Variants in FAF1 observed in about 807,000 individuals in gnomAD.
FAF1 encodes the protein FAS-associated factor 1.
FAF1 carries 25 observed loss-of-function variants against 92.5 expected under a neutral mutation model. The ratio of observed to expected loss-of-function variants is 0.27; its 90% CI spans 0.20 to 0.38. The LOEUF is 0.38. Ranked by LOEUF, FAF1 falls within the 10% of genes least tolerant of loss-of-function variation. The probability of loss-of-function intolerance (pLI) is 1.00; values close to 1 mark genes in which losing one functional copy is unlikely to be tolerated. For synonymous variants in FAF1, 234 were observed against 273.2 expected (o/e 0.86, Z 1.42); for missense variants, 636 against 793.3 (o/e 0.80, Z 2.38).
intron 13 of FAF1, among the ~76,000 whole-genome samples, chr1:50,547,790 T>TAA (rs1259583779): frequency 6.6e-6 from 1 of 152,236 alleles, no homozygotes; most frequent in East Asian, 1.9e-4. Flanking sequence ...TTGAGGCACT[T>TAA]AAAGTTTAAT....
At chr1:50,749,958 T>C (rs1659788422) in intron 4 of FAF1, among the ~76,000 whole-genome samples, 1 of 152,208 alleles carries the variant, frequency 6.6e-6, no homozygotes, top group Admixed American at 6.5e-5. Flanking sequence ...AAATGTTATT[T>C]TGAGTTGTAT....
chr1:50,572,446 G>A (rs544301473), intron 12 of FAF1, among the ~76,000 whole-genome samples: 34 of 152,218 alleles, frequency 2.2e-4, no homozygotes, highest in African/African-American at 7.9e-4. Context: ...CATGTCCTTT[G>A]TAGCTGTTTT....
At chr1:50,702,042 G>A (rs1208297449) in intron 7 of FAF1, among the ~76,000 whole-genome samples, 3 of 152,080 alleles carry the variant, frequency 2.0e-5, no homozygotes, top group African/African-American at 7.2e-5. Flanking sequence ...TCTGGGTCAT[G>A]TGTATATTCC....
rs1657105882 is a variant in FAF1 at position 50,694,669 on chromosome 1, G to T, written c.657+11117C>A. 2.0e-5 allele frequency among the ~76,000 whole-genome samples: 3 copies of T among 151,776 alleles called. No individual in the cohort carries two copies. In the South Asian group the frequency reaches 6.2e-4, roughly 32 times the overall value. ...ACAAAAAGTTATGGCATGTAGGCCA[G>T]GCTTGGTGGCTCACGCCTGCAATCT... On this transcript the variant is annotated intron_variant, in intron 7 of 18. Coordinates refer to ENST00000396153, the MANE Select transcript of FAF1 (RefSeq NM_007051.3).
intron 1 of FAF1, among the ~76,000 whole-genome samples, chr1:50,895,154 AAAAT>A (rs1644748980): frequency 6.6e-6 from 1 of 152,154 alleles, no homozygotes; most frequent in African/African-American, 2.4e-5. Context: ...ATAAAAGAGG[AAAAT>A]AAATAAAGTC....
At chr1:50,685,590 T>C (rs566896988) in intron 7 of FAF1, among the ~76,000 whole-genome samples, 1 of 152,350 alleles carries the variant, frequency 6.6e-6, no homozygotes, top group South Asian at 2.1e-4. Context: ...AATAGTTGAC[T>C]ATCAAGTCCT....
chr1:50,891,125 G>A (rs1644716292), intron 1 of FAF1, among the ~76,000 whole-genome samples: 1 of 152,074 alleles, frequency 6.6e-6, no homozygotes, highest in African/African-American at 2.4e-5. Context: ...TTCAATCACT[G>A]ATATTCTTTC....
intron 15 of FAF1, among the ~76,000 whole-genome samples, chr1:50,495,046 C>A (rs778848689): frequency 6.6e-6 from 1 of 152,128 alleles, no homozygotes; most frequent in Non-Finnish European, 1.5e-5. Context: ...TAGAGGCATG[C>A]AATGGGTATT....
chr1:50,694,015 C>CATATATGACAT (rs1482807801), intron 7 of FAF1, among the ~76,000 whole-genome samples: 1 of 151,718 alleles, frequency 6.6e-6, no homozygotes, highest in Non-Finnish European at 1.5e-5. Context: ...ATATACATGA[C>CATATATGACAT]ATATATGACA....
chr1:50,762,021 C>T (rs1660348805), intron 4 of FAF1, among the ~76,000 whole-genome samples: 1 of 152,138 alleles, frequency 6.6e-6, no homozygotes, highest in South Asian at 2.1e-4. Flanking sequence ...GTACAAAAAT[C>T]ACAAGCATTC....
chr1:50,618,130 T>C (rs778258956), intron 8 of FAF1, among the ~76,000 whole-genome samples: 3 of 152,160 alleles, frequency 2.0e-5, no homozygotes, highest in Non-Finnish European at 4.4e-5. Context: ...TTTGTATGGA[T>C]GTTTGCATCT....
Position 50,582,763 on chromosome 1 carries a change from C to G in FAF1, c.1032-64G>C, listed in dbSNP as rs1014838385. ...CAAATTCACTTCAGATTTCACAAGT[C>G]TAATCAATGACTTTTAAGTAAATGT... On this transcript the variant is annotated intron_variant, in intron 11 of 18. Transcript: ENST00000396153. 6.9e-6 allele frequency: 7 copies of G among 1,014,568 alleles called. No individual in the cohort carries two copies. The Admixed American group carries it at 1.2e-4, about 18-fold the overall frequency. The allele number at this position is 1,014,568 out of a possible 1,614,324, so 62.8% of individuals were successfully genotyped here.
intron 2 of FAF1, among the ~76,000 whole-genome samples, chr1:50,808,675 T>C (rs979815550): frequency 1.3e-5 from 2 of 151,012 alleles, no homozygotes; most frequent in Non-Finnish European, 2.9e-5. Flanking sequence ...AAAAAAAAAC[T>C]TTTCTCCCTA....
At chr1:50,666,174 A>T (rs892202230) in intron 7 of FAF1, among the ~76,000 whole-genome samples, 8 of 150,740 alleles carry the variant, frequency 5.3e-5, no homozygotes, top group Non-Finnish European at 8.8e-5. Flanking sequence ...TTGGCCTCCC[A>T]AATTGCTGGG....
At chr1:50,732,714 C>T (rs560633776) in intron 6 of FAF1, among the ~76,000 whole-genome samples, 65 of 151,948 alleles carry the variant, frequency 4.3e-4, no homozygotes, top group African/African-American at 1.5e-3. Context: ...GAGTTTAGTA[C>T]TTTCTTGTTC....
intron 4 of FAF1, among the ~76,000 whole-genome samples, chr1:50,756,865 C>T (rs958624535): frequency 2.0e-5 from 3 of 152,174 alleles, no homozygotes; most frequent in African/African-American, 7.2e-5. Context: ...TGGGAAAGAC[C>T]TGCCCCCATA....
chr1:50,692,398 T>C (rs1656977327), intron 7 of FAF1, among the ~76,000 whole-genome samples: 1 of 152,052 alleles, frequency 6.6e-6, no homozygotes, highest in Non-Finnish European at 1.5e-5. Flanking sequence ...TTATTCCTCC[T>C]GTCAAACTGA....
At chr1:50,596,295 C>A (rs1374664706) in intron 8 of FAF1, 79 bp from the exon 9 acceptor site, 2 of 975,926 alleles carry the variant, frequency 2.0e-6, no homozygotes, top group South Asian at 2.8e-5. Flanking sequence ...CAGGTATTTT[C>A]TATTATTGCT....
At chr1:50,443,392 A>G in intron 18 of FAF1, among the ~76,000 whole-genome samples, 1 of 152,166 alleles carries the variant, frequency 6.6e-6, no homozygotes, top group East Asian at 1.9e-4. Flanking sequence ...GGAGAGCTGG[A>G]ATTTGAGAAG....
Sources: allele counts gnomAD v4.1 joint callset (sites outside exome capture counted in the v4.1 genomes callset), GRCh38; gene constraint gnomAD v4.1.1; transcripts MANE v1.5; gene names NCBI Gene and HGNC (gene_info 2026-07-23, HGNC 2026-07-21).